The following AGAP1 variants were observed in gnomAD, a reference collection of about 807,000 sequenced individuals.
AGAP1 encodes ArfGAP with GTPase domain, ankyrin repeat and PH domain 1.
In AGAP1, 29 loss-of-function variants were observed where a neutral mutation model predicts 105.3. The observed-to-expected ratio is 0.28, with a 90% confidence interval of 0.21 to 0.38. The LOEUF (loss-of-function observed/expected upper bound fraction) is 0.38, where lower values mean the gene tolerates loss of function less well. Among genes scored for constraint, AGAP1 ranks in the 10% least tolerant of loss-of-function variants. AGAP1 has a pLI of 1.00. For synonymous variants in AGAP1, 509 were observed against 485.9 expected, an observed-to-expected ratio of 1.05 and a Z score of -0.63; for missense variants, 998 against 1,165.1, an observed-to-expected ratio of 0.86 and a Z score of 2.09.
intron 1 of AGAP1, among the ~76,000 whole-genome samples, chr2:235,648,833 G>A (rs1335669113): frequency 1.3e-5 from 2 of 151,628 alleles, no homozygotes; most frequent in South Asian, 2.1e-4. Flanking sequence ...GTTGCAGTGC[G>A]CCGAGATCGC....
intron 9 of AGAP1, among the ~76,000 whole-genome samples, chr2:235,862,861 G>C (rs2048987553): frequency 6.6e-6 from 1 of 152,186 alleles, no homozygotes; most frequent in Non-Finnish European, 1.5e-5. Context: ...CACCGTGCGT[G>C]CATTGAGACT....
In AGAP1 at chr2:235,734,911, C is replaced by T. The variant is rs1001964200; in HGVS notation, c.311-6052C>T. The stretch of plus-strand genomic sequence containing the variant: ...GGAGCTCTTGCTCTGTGTCTGAACT[C>T]CTTTTCCTCCTGAGTGGATTTGGGT... On this transcript the variant is annotated intron_variant, in intron 3 of 17. Coordinates refer to ENST00000304032, the MANE Select transcript of AGAP1 (RefSeq NM_001037131.3). The surrounding 1 kb of genome is among the most constrained non-coding windows in gnomAD (Gnocchi z 5.3). Among the ~76,000 whole-genome samples the T allele has an allele frequency of 1.2e-4, 19 of 152,074 alleles. No individual in the cohort carries two copies. The highest frequency in any genetic ancestry group is 3.9e-4 in the Admixed American group (6 of 15,270).
intron 9 of AGAP1, among the ~76,000 whole-genome samples, chr2:235,819,322 C>T (rs896441503): frequency 6.6e-6 from 1 of 151,296 alleles, no homozygotes; most frequent in African/African-American, 2.4e-5. Context: ...GCCATGTTGC[C>T]CAGGCTGGTC....
At chr2:235,827,089 C>T (rs1363334697) in intron 9 of AGAP1, among the ~76,000 whole-genome samples, 1 of 152,156 alleles carries the variant, frequency 6.6e-6, no homozygotes, top group East Asian at 1.9e-4. Context: ...GTGCGTCTCC[C>T]CAGATTGCAG....
intron 1 of AGAP1, among the ~76,000 whole-genome samples, chr2:235,613,812 G>C (rs551251321): frequency 6.6e-6 from 1 of 152,366 alleles, no homozygotes; most frequent in East Asian, 1.9e-4. Context: ...CCTGTAGAAT[G>C]AGGCTCCTCC....
chr2:236,069,213 G>A (rs1576223557), intron 16 of AGAP1, among the ~76,000 whole-genome samples: 1 of 151,954 alleles, frequency 6.6e-6, no homozygotes, highest in Non-Finnish European at 1.5e-5. Flanking sequence ...TGCAAGTAAT[G>A]CATATAGTTA....
intron 16 of AGAP1, among the ~76,000 whole-genome samples, chr2:236,052,975 T>C (rs2057949181): frequency 6.6e-6 from 1 of 152,136 alleles, no homozygotes; most frequent in Non-Finnish European, 1.5e-5. Context: ...CAGAACTAAC[T>C]AGGTTTTAGG....
At chr2:235,952,393 A>G (rs1023087543) in intron 12 of AGAP1, among the ~76,000 whole-genome samples, 6 of 152,238 alleles carry the variant, frequency 3.9e-5, no homozygotes, top group African/African-American at 1.4e-4. Context: ...CTTAAAATTT[A>G]AATATGCAGA....
At position 235,714,916 on chromosome 2, in the gene AGAP1, G is replaced by A. The variant is rs1361716674; in HGVS notation, c.223-2641G>A. ...GGGTTCAGGCGATTCTCCTGCCTTAGCCTCCTGAGTAGCTGGGACTACAGG... is the reference window on the plus strand; with the variant it reads ...GGGTTCAGGCGATTCTCCTGCCTTAACCTCCTGAGTAGCTGGGACTACAGG... On this transcript the variant is annotated intron_variant, in intron 2 of 17. Transcript: ENST00000304032. This position sits in a 1 kb window ranked among gnomAD's most constrained non-coding sequence, Gnocchi z 4.1. Among the ~76,000 whole-genome samples, 1 of 152,092 alleles carries A rather than the reference G, an allele frequency of 6.6e-6. No homozygotes were observed. The highest frequency in any genetic ancestry group is 1.5e-5 in the Non-Finnish European group (1 of 68,014).
rs1252134295 is a variant in AGAP1, at chr2:235,535,713, C to T, written c.163+40864C>T. 6.6e-6 allele frequency among the ~76,000 whole-genome samples: 1 copy of T among 152,020 alleles called. No homozygotes were observed. Among genetic ancestry groups the T allele is most frequent in the Non-Finnish European group, 1.5e-5 (1 of 68,018 alleles). On this transcript the variant is annotated intron_variant, in intron 1 of 17. Coordinates refer to ENST00000304032, the MANE Select transcript of AGAP1 (RefSeq NM_001037131.3). The surrounding 1 kb of genome is among the most constrained non-coding windows in gnomAD (Gnocchi z 5.1). The stretch of plus-strand genomic sequence containing the variant: ...CTCACTTTCATTTTCTATAGAAAAG[C>T]CTTTCTGCCGCCTTTCACAAAACTT...
chr2:235,500,102 G>C (rs991063533), intron 1 of AGAP1, among the ~76,000 whole-genome samples: 17 of 152,232 alleles, frequency 1.1e-4, no homozygotes, highest in East Asian at 3.9e-4. Context: ...CTTTACTGTA[G>C]GTAGGGGAAG....
At chr2:235,840,698 T>C (rs763183214) in intron 9 of AGAP1, among the ~76,000 whole-genome samples, 1 of 151,936 alleles carries the variant, frequency 6.6e-6, no homozygotes, top group Non-Finnish European at 1.5e-5. Flanking sequence ...ATCTGGAGGC[T>C]TTCGGAAAGT....
At position 236,044,546 on chromosome 2, in the gene AGAP1, G is replaced by A. The variant is rs1375221409; in HGVS notation, c.1891+3705G>A. ...CCCCTCTCTCCTGGGCCTTTCTCAT[G>A]TCTAGAATCCTGCCTTATTTCCCTT... On this transcript the variant is annotated intron_variant, in intron 15 of 17. Transcript: ENST00000304032. The surrounding 1 kb of genome is among the most constrained non-coding windows in gnomAD (Gnocchi z 5.7). 1.3e-5 allele frequency among the ~76,000 whole-genome samples: 2 copies of A among 152,090 alleles called. No individual in the cohort carries two copies. Among genetic ancestry groups the A allele is most frequent in the Non-Finnish European group, 2.9e-5 (2 of 68,030 alleles).
rs561937253 is a variant in AGAP1 at position 236,039,348 on chromosome 2, G to T, written c.1801-1403G>T. Among the ~76,000 whole-genome samples, 7 of 152,266 alleles carry T rather than the reference G, an allele frequency of 4.6e-5. No homozygotes were observed. In the South Asian group the frequency reaches 1.5e-3, roughly 32 times the overall value. On this transcript the variant is annotated intron_variant, in intron 14 of 17. Transcript: ENST00000304032. ...TAGTTCCAGCTACTCAGGAGGCTGAGGTGGGAGGACCACTTGAGCCCAGGA... is the reference window on the plus strand; with the variant it reads ...TAGTTCCAGCTACTCAGGAGGCTGATGTGGGAGGACCACTTGAGCCCAGGA...
chr2:235,682,797 C>CGTGTGTGTGTGTGGGTGTGTGTGTGT (rs1949153154), intron 1 of AGAP1, among the ~76,000 whole-genome samples: 1 of 149,462 alleles, frequency 6.7e-6, no homozygotes, highest in African/African-American at 2.5e-5. Context: ...TGTGTGCACA[C>CGTGTGTGTGTGTGGGTGTGTGTGTGT]GTGTGTGTGT....
At chr2:235,914,232 CCTAA>C (rs1416916252) in intron 11 of AGAP1, among the ~76,000 whole-genome samples, 3 of 152,188 alleles carry the variant, frequency 2.0e-5, no homozygotes, top group Non-Finnish European at 2.9e-5. Flanking sequence ...TACTATAATG[CCTAA>C]CTGTGTGCCA....
chr2:235,702,683 A>G (rs756143957), intron 1 of AGAP1, among the ~76,000 whole-genome samples: 3 of 152,132 alleles, frequency 2.0e-5, no homozygotes, highest in Non-Finnish European at 4.4e-5. Flanking sequence ...GTTGAACCCC[A>G]CTGTGAAATT....
Position 235,753,551 on chromosome 2 carries a change from A to C in AGAP1, c.673+3063A>C, listed in dbSNP as rs1364051066. On this transcript the variant is annotated intron_variant, in intron 6 of 17. Transcript: ENST00000304032. This position sits in a 1 kb window ranked among gnomAD's most constrained non-coding sequence, Gnocchi z 4.5. ...GAAATCCCATCTCTACTAAAATTGC[A>C]AAAAATTAGCCGGGCATGGTGGCAG... Among the ~76,000 whole-genome samples the C allele has an allele frequency of 1.3e-5, 2 of 152,046 alleles. No homozygotes were observed. The highest frequency in any genetic ancestry group is 4.8e-5 in the African/African-American group (2 of 41,386).
chr2:235,644,429 C>G (rs142429648), intron 1 of AGAP1, among the ~76,000 whole-genome samples: 1 of 152,078 alleles, frequency 6.6e-6, no homozygotes, highest in Admixed American at 6.5e-5. Context: ...CTTACACATA[C>G]GTTTCCATGG....
Sources: allele counts gnomAD v4.1 joint callset (sites outside exome capture counted in the v4.1 genomes callset), GRCh38; gene constraint gnomAD v4.1.1; non-coding constraint Gnocchi (gnomAD v3.1); transcripts MANE v1.5; gene names NCBI Gene and HGNC (gene_info 2026-07-23, HGNC 2026-07-21).